Variants in FBXO42 observed in about 807,000 individuals in gnomAD.
FBXO42 encodes F-box protein 42, also known as F-box only protein 42.
Under a neutral mutation model 71.7 loss-of-function variants are expected in FBXO42, and 12 were observed. The ratio of observed to expected loss-of-function variants is 0.17; its 90% CI spans 0.11 to 0.27. The LOEUF is 0.27. FBXO42 is among the 10% of genes least tolerant of loss of function. FBXO42 has a pLI of 1.00. For missense variants in FBXO42, 707 were observed against 911.9 expected, an observed-to-expected ratio of 0.78 and a Z score of 2.89; for synonymous variants, 325 against 327.5, an observed-to-expected ratio of 0.99 and a Z score of 0.08.
At chr1:16,258,600 T>C (rs2081674492) in intron 4 of FBXO42, among the ~76,000 whole-genome samples, 1 of 152,166 alleles carries the variant, frequency 6.6e-6, no homozygotes, top group South Asian at 2.1e-4. Context: ...CAAGCAATCC[T>C]GCCGCCTTGG....
intron 3 of FBXO42, among the ~76,000 whole-genome samples, chr1:16,301,484 G>A (rs142813414): frequency 0.016 from 2,425 of 151,722 alleles, 63 homozygotes; most frequent in African/African-American, 0.055. Flanking sequence ...GCAATAGGGC[G>A]AAACCCCGTC....
intron 4 of FBXO42, among the ~76,000 whole-genome samples, chr1:16,265,279 T>C (rs1338278280): frequency 6.6e-6 from 1 of 151,980 alleles, no homozygotes; most frequent in East Asian, 1.9e-4. Context: ...TTAGTAAAGA[T>C]GGGGTTTCTC....
chr1:16,255,671 T>C (rs778920381), intron 6 of FBXO42, 40 bp downstream of exon 6: 1 of 1,535,432 alleles, frequency 6.5e-7, no homozygotes, highest in Non-Finnish European at 9.0e-7. Context: ...CCAGGAGTAT[T>C]TACCTTCAGG....
chr1:16,302,801 C>T (rs1016558315), intron 3 of FBXO42, among the ~76,000 whole-genome samples: 1 of 152,170 alleles, frequency 6.6e-6, no homozygotes, highest in Admixed American at 6.5e-5. Flanking sequence ...TAAGCCACTG[C>T]GGCCAGCCGA....
chr1:16,271,258 GGTGT>G (rs57827739), intron 4 of FBXO42, among the ~76,000 whole-genome samples: 8,026 of 137,378 alleles, frequency 0.058, 325 homozygotes, highest in African/African-American at 0.13. Flanking sequence ...TGTGTGTGTT[GGTGT>G]GTGTGTGTGT....
chr1:16,341,177 A>C (rs2100632802), intron 1 of FBXO42, among the ~76,000 whole-genome samples: 1 of 152,362 alleles, frequency 6.6e-6, no homozygotes, highest in South Asian at 2.1e-4. Context: ...AAAAGAATAT[A>C]TGCAGATATT....
chr1:16,288,793 A>T (rs2082048171), intron 4 of FBXO42, among the ~76,000 whole-genome samples: 1 of 151,724 alleles, frequency 6.6e-6, no homozygotes, highest in African/African-American at 2.4e-5. Context: ...CTCCACCTCT[A>T]CTAAATATAC....
chr1:16,269,856 T>C (rs1569834451), intron 4 of FBXO42, among the ~76,000 whole-genome samples: 1 of 63,142 alleles, frequency 1.6e-5, no homozygotes. Flanking sequence ...TTTTTCTGTT[T>C]TGTTTTGTTT....
In FBXO42 at chr1:16,251,427, C is replaced by G. The variant is rs761294337; in HGVS notation, c.1397G>C (p.Ser466Thr). 19 of 1,614,116 alleles carry G rather than the reference C, an allele frequency of 1.2e-5. No individual in the cohort carries two copies. Among genetic ancestry groups the G allele is most frequent in the Non-Finnish European group, 1.6e-5 (19 of 1,179,976 alleles). The change falls in exon 10 of 10, where the codon AGT (serine) becomes ACT (threonine). Residue 466 changes from serine (S) to threonine (T), a missense_variant. By Grantham distance (58) the Ser-to-Thr change is moderately conservative. This residue lies in a region of FBXO42 where 482 missense variants were observed against 587.1 expected (regional missense o/e 0.82). Coordinates refer to ENST00000375592, the MANE Select transcript of FBXO42 (RefSeq NM_018994.3). This position sits in a 1 kb window ranked among gnomAD's most constrained non-coding sequence, Gnocchi z 4.5. ...LDSPVQAISP[S>T]TPSAPEGYDL... ...GTATCCTTCAGGAGCAGATGGAGTA[C>G]TTGGAGATATGGCCTGTACAGGACT...
intron 6 of FBXO42, among the ~76,000 whole-genome samples, chr1:16,254,845 T>C (rs1471320849): frequency 6.6e-6 from 1 of 152,138 alleles, no homozygotes; most frequent in Non-Finnish European, 1.5e-5. Flanking sequence ...GGACAGGAGG[T>C]AGGGACAATG....
intron 4 of FBXO42, among the ~76,000 whole-genome samples, chr1:16,276,067 C>A (rs1455785870): frequency 1.3e-5 from 2 of 151,990 alleles, no homozygotes; most frequent in African/African-American, 2.4e-5. Flanking sequence ...AGGAACAGCA[C>A]ATCTCCTCAC....
At chr1:16,315,855 T>G (rs2082357993) in intron 1 of FBXO42, among the ~76,000 whole-genome samples, 1 of 151,994 alleles carries the variant, frequency 6.6e-6, no homozygotes, top group African/African-American at 2.4e-5. Context: ...GTAATAACAT[T>G]CTGAGAATAT....
chr1:16,328,913 C>T (rs1230196280), intron 1 of FBXO42, among the ~76,000 whole-genome samples: 1 of 151,944 alleles, frequency 6.6e-6, no homozygotes, highest in Non-Finnish European at 1.5e-5. Context: ...GCCTGTAATC[C>T]CAGCACTTTG....
rs756980644 is a variant in FBXO42, at chr1:16,250,784, G to A, written c.2040C>T (p.Thr680=). 2.4e-5 allele frequency: 38 copies of A among 1,614,132 alleles called. No individual in the cohort carries two copies. The highest frequency in any genetic ancestry group is 9.9e-5 in the South Asian group (9 of 91,086). The change falls in exon 10 of 10, where the codon ACC becomes ACT. Residue 680 remains threonine (T), a synonymous_variant. Transcript: ENST00000375592. This position sits in a 1 kb window ranked among gnomAD's most constrained non-coding sequence, Gnocchi z 4.7. ...TGAGTTCACCCCTGCCTTGTACCACGGTATGCAGGCTGGTTTCAGGAGGTC... is the reference window on the plus strand; with the variant it reads ...TGAGTTCACCCCTGCCTTGTACCACAGTATGCAGGCTGGTTTCAGGAGGTC... The part of the protein sequence containing the change: ...VVGPPETSLH[T]VVQGRGELII...
At chr1:16,265,575 CA>C (rs2081762496) in intron 4 of FBXO42, among the ~76,000 whole-genome samples, 1 of 151,108 alleles carries the variant, frequency 6.6e-6, no homozygotes, top group African/African-American at 2.4e-5. Context: ...CCTCATTTTA[CA>C]GATGAATAAT....
chr1:16,318,129 C>G (rs1233398438), intron 1 of FBXO42, among the ~76,000 whole-genome samples: 1 of 151,988 alleles, frequency 6.6e-6, no homozygotes, highest in Non-Finnish European at 1.5e-5. Flanking sequence ...TAAAGTTTGT[C>G]AAAATACTGG....
At chr1:16,287,114 T>A (rs1028062317) in intron 4 of FBXO42, among the ~76,000 whole-genome samples, 1 of 152,210 alleles carries the variant, frequency 6.6e-6, no homozygotes, top group Non-Finnish European at 1.5e-5. Flanking sequence ...GATACATCCC[T>A]TTCATTTTCT....
chr1:16,263,577 G>A (rs1302131149), intron 4 of FBXO42, among the ~76,000 whole-genome samples: 2 of 151,458 alleles, frequency 1.3e-5, no homozygotes, highest in Non-Finnish European at 2.9e-5. Flanking sequence ...CAAAAAATTA[G>A]CCCGGCATGG....
intron 2 of FBXO42, among the ~76,000 whole-genome samples, chr1:16,308,518 T>G (rs6696871): frequency 0.33 from 47,148 of 142,484 alleles, 8,230 homozygotes; most frequent in African/African-American, 0.39. Context: ...TTTTTTCCTT[T>G]AGACTGAGTC....
Sources: gnomAD v4.1 joint callset for allele counts (sites outside exome capture counted in the v4.1 genomes callset) on GRCh38, gnomAD v4.1.1 for gene constraint, gnomAD v4.1.1 regional missense constraint, Gnocchi (gnomAD v3.1) non-coding constraint, MANE v1.5 for transcripts, NCBI Gene and HGNC (gene_info 2026-07-23, HGNC 2026-07-21) for gene names.